CNTN6: variants seen among roughly 807,000 people sequenced by gnomAD.
CNTN6 encodes contactin 6.
In CNTN6, 137 loss-of-function variants were observed where a neutral mutation model predicts 122.8. That is an observed-to-expected ratio of 1.12 (90% CI 0.97 to 1.29). The LOEUF is 1.29. Among genes scored for constraint, CNTN6 ranks in the 50% most tolerant of loss-of-function variants. The pLI is 0.00. For missense variants in CNTN6, 1,634 were observed against 1,223.4 expected (o/e 1.34, Z -5.01); for synonymous variants, 570 against 426.0 (o/e 1.34, Z -4.16).
At chr3:1,168,031 C>T (rs533807060) in intron 2 of CNTN6, among the ~76,000 whole-genome samples, 18 of 152,062 alleles carry the variant, frequency 1.2e-4, no homozygotes, top group Non-Finnish European at 2.2e-4. Context: ...CCTCAGCCTC[C>T]CAAGTAGTTG....
At chr3:1,146,827 G>A (rs1028807654) in intron 1 of CNTN6, among the ~76,000 whole-genome samples, 8 of 151,996 alleles carry the variant, frequency 5.3e-5, no homozygotes, top group Admixed American at 3.3e-4. Context: ...AGGCATTAAA[G>A]GCTGTGGTAT....
chr3:1,358,354 TTTACCTTGACTCTA>T (rs1369694611), intron 12 of CNTN6, among the ~76,000 whole-genome samples: 2 of 151,948 alleles, frequency 1.3e-5, no homozygotes, highest in African/African-American at 4.8e-5. Flanking sequence ...ATTTAGTAAA[TTTACCTTGACTCTA>T]TTCTGACCGT....
chr3:1,236,755 T>G (rs1057054998), intron 4 of CNTN6, among the ~76,000 whole-genome samples: 2 of 152,036 alleles, frequency 1.3e-5, no homozygotes, highest in Non-Finnish European at 2.9e-5. Flanking sequence ...GCCAGGAAAA[T>G]AATTCAGAAG....
At chr3:1,373,454 A>T in intron 14 of CNTN6, 150 bp from the exon 15 acceptor site, 1 of 651,818 alleles carries the variant, frequency 1.5e-6, no homozygotes, top group Non-Finnish European at 2.5e-6. Context: ...AAAGGGAATT[A>T]ATAGAACTTT....
intron 20 of CNTN6, among the ~76,000 whole-genome samples, chr3:1,395,938 C>T (rs527476566): frequency 6.6e-6 from 1 of 152,128 alleles, no homozygotes; most frequent in Non-Finnish European, 1.5e-5. Flanking sequence ...CATGAAATCT[C>T]TTCATCCCAC....
intron 1 of CNTN6, among the ~76,000 whole-genome samples, chr3:1,135,759 C>T (rs371160541): frequency 6.6e-6 from 1 of 152,070 alleles, no homozygotes; most frequent in Admixed American, 6.6e-5. Context: ...TGGGAGGCCG[C>T]AGGCGAGTGG....
chr3:1,142,075 G>C (rs1434655571), intron 1 of CNTN6, among the ~76,000 whole-genome samples: 1 of 152,094 alleles, frequency 6.6e-6, no homozygotes, highest in African/African-American at 2.4e-5. Context: ...CCACCTTCCA[G>C]AATTTTCCTG....
intron 1 of CNTN6, among the ~76,000 whole-genome samples, chr3:1,132,868 G>C (rs958140353): frequency 6.6e-6 from 1 of 151,988 alleles, no homozygotes. Flanking sequence ...TTATGTGTCT[G>C]CTTTCAAGGA....
intron 4 of CNTN6, among the ~76,000 whole-genome samples, chr3:1,266,101 G>C (rs1426474137): frequency 1.3e-5 from 2 of 151,280 alleles, no homozygotes; most frequent in East Asian, 3.9e-4. Context: ...TGTCTCTTCT[G>C]CTTATCTCTC....
At chr3:1,386,414 C>A (rs2126197700) in intron 20 of CNTN6, among the ~76,000 whole-genome samples, 1 of 152,214 alleles carries the variant, frequency 6.6e-6, no homozygotes, top group Admixed American at 6.5e-5. Context: ...TGTCTTATAT[C>A]CCCTGATAAT....
chr3:1,270,482 T>A (rs1004916901), intron 4 of CNTN6, among the ~76,000 whole-genome samples: 44 of 152,222 alleles, frequency 2.9e-4, no homozygotes, highest in African/African-American at 9.6e-4. Context: ...CTTTCACCAT[T>A]TCTCTTTTGC....
chr3:1,274,571 C>G (rs1207641959), intron 4 of CNTN6, among the ~76,000 whole-genome samples: 1 of 152,058 alleles, frequency 6.6e-6, no homozygotes, highest in Non-Finnish European at 1.5e-5. Flanking sequence ...TCTTATTGAA[C>G]TCATACTTTA....
At chr3:1,384,796 T>TAC (rs1168789647) in intron 19 of CNTN6, among the ~76,000 whole-genome samples, 1,619 of 133,746 alleles carry the variant, frequency 0.012, 27 homozygotes, top group Non-Finnish European at 0.016. Context: ...TATATATATA[T>TAC]ACACACACAC....
intron 4 of CNTN6, among the ~76,000 whole-genome samples, chr3:1,249,022 G>A (rs1282786073): frequency 6.6e-6 from 1 of 152,180 alleles, no homozygotes; most frequent in Non-Finnish European, 1.5e-5. Context: ...GGTCTAAAGT[G>A]AGGCCCAAGA....
At chr3:1,097,961 T>A (rs1159237594) in intron 1 of CNTN6, among the ~76,000 whole-genome samples, 1 of 151,990 alleles carries the variant, frequency 6.6e-6, no homozygotes, top group African/African-American at 2.4e-5. Flanking sequence ...AAGTGGATAT[T>A]AAAATAGAGC....
At chr3:1,238,698 T>G (rs1033591420) in intron 4 of CNTN6, among the ~76,000 whole-genome samples, 9 of 152,026 alleles carry the variant, frequency 5.9e-5, no homozygotes, top group African/African-American at 1.9e-4. Context: ...GGCCACAAAA[T>G]AAGTCTCAGG....
chr3:1,233,792 T>C (rs907254237), intron 4 of CNTN6, among the ~76,000 whole-genome samples: 2 of 143,772 alleles, frequency 1.4e-5, no homozygotes, highest in African/African-American at 5.2e-5. Flanking sequence ...TTTCCTTAAA[T>C]ATGTTAGTCT....
chr3:1,094,157 T>C (rs570415487), intron 1 of CNTN6, among the ~76,000 whole-genome samples: 1 of 152,318 alleles, frequency 6.6e-6, no homozygotes, highest in South Asian at 2.1e-4. Flanking sequence ...TTTTGAGCAA[T>C]TTTCATTTAT....
rs1363470647 is a variant in CNTN6 at position 1,373,908 on chromosome 3, G to A, written c.1946-16G>A. ...GTAGTCCCAACCTAGGTGCCTTAGTGTCTCATTCTTTTTAGTTCCAGAAAT... is the reference window on the plus strand; with the variant it reads ...GTAGTCCCAACCTAGGTGCCTTAGTATCTCATTCTTTTTAGTTCCAGAAAT... On this transcript the variant is annotated splice_polypyrimidine_tract_variant and intron_variant, in intron 15 of 22. Coordinates refer to ENST00000446702, the MANE Select transcript of CNTN6 (RefSeq NM_001289080.2). The A allele has an allele frequency of 1.2e-6, 2 of 1,604,454 alleles. No homozygotes were observed. Among genetic ancestry groups the A allele is most frequent in the African/African-American group, 1.3e-5 (1 of 74,672 alleles).
Sources: allele counts gnomAD v4.1 joint callset (sites outside exome capture counted in the v4.1 genomes callset), GRCh38; gene constraint gnomAD v4.1.1; transcripts MANE v1.5; gene names NCBI Gene and HGNC (gene_info 2026-07-23, HGNC 2026-07-21).